The following IL22RA2 variants were observed in gnomAD, a reference collection of about 807,000 sequenced individuals.
IL22RA2 encodes interleukin 22 receptor subunit alpha 2, also known as interleukin-22 receptor subunit alpha-2.
In IL22RA2, 39 loss-of-function variants were observed where a neutral mutation model predicts 30.7. That is an observed-to-expected ratio of 1.27 (90% CI 0.98 to 1.66). The LOEUF is 1.66. IL22RA2 is among the 40% of genes most tolerant of loss of function. IL22RA2 has a pLI of 0.00. For missense variants in IL22RA2, 315 were observed against 312.7 expected, an observed-to-expected ratio of 1.01 and a Z score of -0.05; for synonymous variants, 103 against 105.0, an observed-to-expected ratio of 0.98 and a Z score of 0.11.
chr6:137,156,925 C>A (rs1778419065), intron 3 of IL22RA2, 71 bp from the exon 4 acceptor site: 2 of 1,565,446 alleles, frequency 1.3e-6, no homozygotes, highest in South Asian at 2.2e-5. Flanking sequence ...GGCTTTACAA[C>A]AACCACTCTC....
chr6:137,171,879 A>G (rs1481020843), intron 1 of IL22RA2, among the ~76,000 whole-genome samples: 1 of 152,180 alleles, frequency 6.6e-6, no homozygotes, highest in Non-Finnish European at 1.5e-5. Flanking sequence ...CCTCTGTTCT[A>G]CGGCAGTCTT....
chr6:137,154,926 C>T lies in IL22RA2; in HGVS notation c.472+15G>A, dbSNP rs1778367660. On this transcript the variant is annotated intron_variant, in intron 5 of 6. Transcript: ENST00000296980. ...AGCAGGAAGAACAAGGGCAAAGAAA[C>T]TCCATGGAACTCACTTTCCCACCAG... 4.3e-6 allele frequency: 7 copies of T among 1,613,020 alleles called. No homozygotes were observed. The Admixed American group carries it at 6.7e-5, about 15-fold the overall frequency.
chr6:137,165,262 T>C (rs1221204053), intron 1 of IL22RA2, among the ~76,000 whole-genome samples: 1 of 152,188 alleles, frequency 6.6e-6, no homozygotes, highest in Non-Finnish European at 1.5e-5. Context: ...GTGAATTTTA[T>C]GAGAGGCTGT....
intron 5 of IL22RA2, among the ~76,000 whole-genome samples, chr6:137,148,418 A>C (rs1470191714): frequency 6.6e-6 from 1 of 152,114 alleles, no homozygotes; most frequent in Admixed American, 6.5e-5. Flanking sequence ...GGAGGTTCTA[A>C]GACTTTTGTA....
chr6:137,161,221 GGTGTTAA>G (rs1414260406), intron 2 of IL22RA2, among the ~76,000 whole-genome samples: 1 of 152,102 alleles, frequency 6.6e-6, no homozygotes, highest in African/African-American at 2.4e-5. Context: ...GGAAATTGAG[GGTGTTAA>G]GTAAATTTCC....
intron 1 of IL22RA2, among the ~76,000 whole-genome samples, chr6:137,172,281 TGAG>T (rs1273671198): frequency 1.3e-5 from 2 of 152,176 alleles, no homozygotes; most frequent in Non-Finnish European, 2.9e-5. Context: ...GTCAAACAAA[TGAG>T]GGGAAATTAG....
At chr6:137,157,675 C>T (rs113958422) in intron 3 of IL22RA2, among the ~76,000 whole-genome samples, 15 of 151,596 alleles carry the variant, frequency 9.9e-5, no homozygotes, top group African/African-American at 3.6e-4. Context: ...AGCCTCAACC[C>T]CCCTCACCCC....
At chr6:137,161,555 C>T in intron 2 of IL22RA2, 134 bp downstream of exon 2, 4 of 701,824 alleles carry the variant, frequency 5.7e-6, no homozygotes, top group South Asian at 5.1e-5. Flanking sequence ...CCCATGCCTG[C>T]TCTGATCATT....
At chr6:137,152,782 G>A (rs1263792117) in intron 5 of IL22RA2, among the ~76,000 whole-genome samples, 1 of 152,198 alleles carries the variant, frequency 6.6e-6, no homozygotes, top group Non-Finnish European at 1.5e-5. Context: ...CCAGTGTCCT[G>A]TAGTTGCTCT....
chr6:137,156,729 C>T lies in IL22RA2; in HGVS notation c.293+30G>A, dbSNP rs775753739. 69 of 1,604,908 alleles carry T rather than the reference C, an allele frequency of 4.3e-5. No individual in the cohort carries two copies. In the East Asian group the frequency reaches 1.5e-3, roughly 34 times the overall value. On this transcript the variant is annotated intron_variant, in intron 4 of 6. Coordinates refer to ENST00000296980, the MANE Select transcript of IL22RA2 (RefSeq NM_052962.3). ...TGTTTCTATAACAGAACACCTGAGG[C>T]TAGGTAATTGATAAGGAAAAGAGGT... is the stretch of plus-strand genomic sequence containing the variant.
At chr6:137,166,310 T>A (rs758458482) in intron 1 of IL22RA2, among the ~76,000 whole-genome samples, 18 of 152,202 alleles carry the variant, frequency 1.2e-4, no homozygotes, top group Non-Finnish European at 4.4e-5. Context: ...ACATCTATAC[T>A]GACTCAAGGT....
intron 1 of IL22RA2, 27 bp from the exon 2 acceptor site, chr6:137,161,841 CT>C (rs1778528529): frequency 1.1e-6 from 1 of 952,164 alleles, no homozygotes; most frequent in Non-Finnish European, 1.7e-6. Context: ...CAGACAATCA[CT>C]CCCGGGTTTA....
chr6:137,169,004 T>C (rs761721267), intron 1 of IL22RA2, among the ~76,000 whole-genome samples: 8 of 152,240 alleles, frequency 5.3e-5, no homozygotes, highest in African/African-American at 7.2e-5. Context: ...CTTCCTGTTA[T>C]GTATGTGGAG....
At chr6:137,147,982 AG>A in intron 5 of IL22RA2, 91 bp from the exon 6 acceptor site, 1 of 1,212,934 alleles carries the variant, frequency 8.2e-7, no homozygotes, top group Non-Finnish European at 1.2e-6. Context: ...GCATGGTGGG[AG>A]GATCACCTGA....
In IL22RA2 at chr6:137,144,364, A is replaced by G. The variant is rs1039074341; in HGVS notation, c.*1260T>C. On this transcript the variant is annotated 3_prime_UTR_variant, in exon 7 of 7. Transcript: ENST00000296980. ...CATTTATCACTGAGTACTTGCATAT[A>G]ACTAGAAGCACCGACTATATTGTTA... 3.3e-5 allele frequency: 5 copies of G among 152,218 alleles called. No homozygotes were observed. The highest frequency in any genetic ancestry group is 5.9e-5 in the Non-Finnish European group (4 of 68,050). 9.4% of individuals were successfully genotyped at this position (152,218 alleles called of 1,614,324 possible). A position where few individuals can be genotyped will look rare whatever the true frequency, so the allele number is the denominator to read the frequency against.
intron 6 of IL22RA2, among the ~76,000 whole-genome samples, chr6:137,146,426 G>A (rs965568998): frequency 2.0e-5 from 3 of 152,170 alleles, no homozygotes; most frequent in African/African-American, 7.2e-5. Context: ...CATAGAGACA[G>A]AAAGTCTGAG....
At chr6:137,170,695 G>A (rs142045598) in intron 1 of IL22RA2, among the ~76,000 whole-genome samples, 21 of 151,910 alleles carry the variant, frequency 1.4e-4, no homozygotes, top group Middle Eastern at 3.4e-3. Flanking sequence ...CTGAACTTTC[G>A]GTCTCTTCAG....
intron 5 of IL22RA2, among the ~76,000 whole-genome samples, chr6:137,149,454 T>C (rs779342847): frequency 2.6e-5 from 4 of 152,210 alleles, no homozygotes; most frequent in African/African-American, 9.6e-5. Flanking sequence ...TAATTATGCA[T>C]GCAAGAAACT....
At chr6:137,154,853 A>G (rs1470290075) in intron 5 of IL22RA2, 88 bp downstream of exon 5, 6 of 1,108,062 alleles carry the variant, frequency 5.4e-6, no homozygotes, top group Non-Finnish European at 8.2e-6. Context: ...AGACCTCAGC[A>G]AAGCACAAGG....
Sources: gnomAD v4.1 joint callset for allele counts (sites outside exome capture counted in the v4.1 genomes callset) on GRCh38, gnomAD v4.1.1 for gene constraint, MANE v1.5 for transcripts, NCBI Gene and HGNC (gene_info 2026-07-23, HGNC 2026-07-21) for gene names.